PATJ: variants seen among roughly 807,000 people sequenced by gnomAD.
PATJ encodes the protein PATJ crumbs cell polarity complex component.
A neutral mutation model predicts 224.9 loss-of-function variants in PATJ; 190 were observed. That is an observed-to-expected ratio of 0.84 (90% CI 0.75 to 0.95). The LOEUF (loss-of-function observed/expected upper bound fraction) is 0.95. Ranked by LOEUF, PATJ falls within the 40% of genes least tolerant of loss-of-function variation. The pLI, the probability that PATJ is intolerant of heterozygous loss-of-function variation, is 0.00. For missense variants in PATJ, 2,121 were observed against 2,270.3 expected (o/e 0.93, Z 1.34); for synonymous variants, 769 against 820.3 (o/e 0.94, Z 1.07).
intron 31 of PATJ, among the ~76,000 whole-genome samples, chr1:62,072,223 T>C (rs1657540045): frequency 1.3e-5 from 2 of 152,226 alleles, no homozygotes; most frequent in Admixed American, 1.3e-4. Flanking sequence ...GTCTGGATTC[T>C]GCACTCCTCC....
intron 41 of PATJ, among the ~76,000 whole-genome samples, chr1:62,129,803 T>C (rs2148950866): frequency 6.6e-6 from 1 of 152,242 alleles, no homozygotes. Context: ...TAGCCAGGCA[T>C]GGTGGTGGGT....
At chr1:61,815,501 T>C (rs1381682421) in intron 14 of PATJ, among the ~76,000 whole-genome samples, 1 of 152,140 alleles carries the variant, frequency 6.6e-6, no homozygotes, top group Non-Finnish European at 1.5e-5. Context: ...TCTATGGGTC[T>C]AGCTGCTTTT....
At chr1:61,970,645 AC>A (rs1048565751) in intron 27 of PATJ, among the ~76,000 whole-genome samples, 20 of 152,146 alleles carry the variant, frequency 1.3e-4, no homozygotes, top group African/African-American at 4.8e-4. Context: ...GGCATGTGCC[AC>A]AAGCCTGGCT....
At chr1:61,889,976 T>A (rs1010145178) in intron 22 of PATJ, among the ~76,000 whole-genome samples, 1 of 152,152 alleles carries the variant, frequency 6.6e-6, no homozygotes, top group African/African-American at 2.4e-5. Context: ...TTCTTCCTCA[T>A]CTCGGTTATT....
chr1:61,936,631 G>A (rs1474201823), intron 27 of PATJ, among the ~76,000 whole-genome samples: 2 of 152,038 alleles, frequency 1.3e-5, no homozygotes, highest in African/African-American at 4.8e-5. Flanking sequence ...GAGTGCAGTG[G>A]CGTGATCTCG....
chr1:61,940,202 G>A (rs76738047), intron 27 of PATJ, among the ~76,000 whole-genome samples: 31 of 152,062 alleles, frequency 2.0e-4, no homozygotes, highest in Admixed American at 8.5e-4. Context: ...GGAGCAAGTC[G>A]CATCTATTTC....
chr1:62,020,018 A>G (rs1646987540), intron 29 of PATJ, among the ~76,000 whole-genome samples: 2 of 151,994 alleles, frequency 1.3e-5, no homozygotes, highest in Admixed American at 1.3e-4. Context: ...AAGAAAAAAA[A>G]ATTAGCCAGG....
chr1:62,066,014 A>G (rs1413823304), intron 31 of PATJ, among the ~76,000 whole-genome samples: 1 of 152,208 alleles, frequency 6.6e-6, no homozygotes, highest in Non-Finnish European at 1.5e-5. Flanking sequence ...TATCTTTCAA[A>G]GGGAACTATA....
intron 7 of PATJ, among the ~76,000 whole-genome samples, chr1:61,782,101 C>T (rs4915775): frequency 0.18 from 26,658 of 152,086 alleles, 2,532 homozygotes; most frequent in Non-Finnish European, 0.21. Context: ...ACTTTAGGCA[C>T]CTAGAGCCAT....
At chr1:62,153,216 GCTTT>G (rs751438612) in intron 42 of PATJ, 138 bp from the exon 43 acceptor site, 71 of 481,228 alleles carry the variant, frequency 1.5e-4, no homozygotes, top group Admixed American at 1.0e-3. Flanking sequence ...TTTCTAGATT[GCTTT>G]CTGAGAGTTT....
At chr1:62,128,640 CT>C (rs1365481345) in intron 40 of PATJ, among the ~76,000 whole-genome samples, 200 bp from the exon 41 acceptor site, 2 of 152,158 alleles carry the variant, frequency 1.3e-5, no homozygotes, top group Non-Finnish European at 2.9e-5. Context: ...ATGTGACCCC[CT>C]TCTTGTTGCT....
chr1:62,097,770 C>T (rs1364896544), intron 33 of PATJ, among the ~76,000 whole-genome samples: 2 of 152,202 alleles, frequency 1.3e-5, no homozygotes, highest in Non-Finnish European at 2.9e-5. Flanking sequence ...GTAACTAAAA[C>T]AGAGTCTGAC....
chr1:61,944,281 C>T (rs577924365), intron 27 of PATJ, among the ~76,000 whole-genome samples: 5 of 152,134 alleles, frequency 3.3e-5, no homozygotes, highest in Non-Finnish European at 7.4e-5. Context: ...CTTCTCCGAG[C>T]TAAAGGAGGA....
At position 61,793,834 on chromosome 1, in the gene PATJ, T is replaced by C. The variant is rs78976549; in HGVS notation, c.1169-1633T>C. The stretch of plus-strand genomic sequence containing the variant: ...GGCAGATTATGGAGGGCCTTGAATA[T>C]GATTCCATGAAATTTATATATTATT... On this transcript the variant is annotated intron_variant, in intron 9 of 43. Coordinates refer to ENST00000642238, the MANE Select transcript of PATJ (RefSeq NM_001350145.3). Among the ~76,000 whole-genome samples, 136 of 152,128 alleles carry C rather than the reference T, an allele frequency of 8.9e-4. 5 individuals are homozygous for C. In the East Asian group the frequency reaches 0.025, roughly 27 times the overall value.
chr1:61,854,913 T>A (rs1455234869), intron 17 of PATJ, among the ~76,000 whole-genome samples: 1 of 152,198 alleles, frequency 6.6e-6, no homozygotes, highest in Non-Finnish European at 1.5e-5. Context: ...AAGATCTGTA[T>A]GTTGCTTTTG....
rs1439385170 is a variant in PATJ at position 61,795,328 on chromosome 1, A to G, written c.1169-139A>G. The stretch of plus-strand genomic sequence containing the variant: ...GGTGGCAGTTTGAAATAATCCATCA[A>G]TTTCTCTGCTTGTGTTCAAAATAGT... On this transcript the variant is annotated intron_variant, in intron 9 of 43. Coordinates refer to ENST00000642238, the MANE Select transcript of PATJ (RefSeq NM_001350145.3). 5.1e-5 allele frequency: 25 copies of G among 489,708 alleles called. No individual in the cohort carries two copies. The Middle Eastern group carries it at 1.5e-3, about 30-fold the overall frequency. 30.3% of individuals were successfully genotyped at this position (489,708 alleles called of 1,614,324 possible). A position where few individuals can be genotyped will look rare whatever the true frequency, so the allele number is the denominator to read the frequency against.
intron 32 of PATJ, among the ~76,000 whole-genome samples, chr1:62,081,132 T>C (rs1385866607): frequency 3.3e-5 from 5 of 152,272 alleles, no homozygotes; most frequent in African/African-American, 4.8e-5. Context: ...ATATGTATAC[T>C]TGGCACTTTA....
intron 1 of PATJ, among the ~76,000 whole-genome samples, chr1:61,754,541 T>C (rs1321925253): frequency 9.1e-6 from 1 of 110,294 alleles, no homozygotes; most frequent in Non-Finnish European, 2.0e-5. Flanking sequence ...TTTTTTTTTT[T>C]TGTAGATACA....
chr1:61,814,133 T>C (rs2486086), intron 14 of PATJ, among the ~76,000 whole-genome samples: 8,440 of 134,580 alleles, frequency 0.063, 207 homozygotes, highest in Non-Finnish European at 0.093. Context: ...TTCTCTTCTT[T>C]TTTTTTTTTT....
Sources: gnomAD v4.1 joint callset for allele counts (sites outside exome capture counted in the v4.1 genomes callset) on GRCh38, gnomAD v4.1.1 for gene constraint, MANE v1.5 for transcripts, NCBI Gene and HGNC (gene_info 2026-07-23, HGNC 2026-07-21) for gene names.